Variants in TDO2 observed in about 807,000 individuals in gnomAD.
TDO2 encodes tryptophan 2,3-dioxygenase.
A neutral mutation model predicts 61.2 loss-of-function variants in TDO2; 63 were observed. The observed-to-expected ratio is 1.03, with a 90% CI of 0.84 to 1.27. TDO2 has a LOEUF of 1.27. Among genes scored for constraint, TDO2 ranks in the 50% most tolerant of loss-of-function variants. TDO2 has a pLI of 0.00. For missense variants in TDO2, 494 were observed against 469.5 expected, an observed-to-expected ratio of 1.05 and a Z score of -0.48; for synonymous variants, 183 against 164.0, an observed-to-expected ratio of 1.12 and a Z score of -0.89.
chr4:155,908,893 G>C lies in TDO2; in HGVS notation c.310G>C (p.Asp104His), dbSNP rs1182681098. The C allele has an allele frequency of 1.9e-6, 3 of 1,609,798 alleles. No homozygotes were observed. Among genetic ancestry groups the C allele is most frequent in the Non-Finnish European group, 2.5e-6 (3 of 1,178,156 alleles). The stretch of plus-strand genomic sequence containing the variant: ...TTCATTTCTTAACCTTCAGGTCAGA[G>C]ATGAAAGGAACATGCTTAAGGTTGT... ...REIFQNGHVR[D>H]ERNMLKVVSR... The change falls in exon 5 of 12, where the codon GAT (aspartate) becomes CAT (histidine). Residue 104 changes from aspartate (D) to histidine (H), a missense_variant. Physicochemically the swap from Asp to His is moderately conservative, Grantham distance 81 (BLOSUM62 -1). Coordinates refer to ENST00000536354, the MANE Select transcript of TDO2 (RefSeq NM_005651.4).
At chr4:155,915,970 T>A in intron 9 of TDO2, 58 bp downstream of exon 9, 3 of 1,434,928 alleles carry the variant, frequency 2.1e-6, no homozygotes, top group Non-Finnish European at 1.9e-6. Context: ...ATGGATAACA[T>A]GTCCAGTATA....
In TDO2 at chr4:155,920,026, A is replaced by G. The variant is rs1743015289; in HGVS notation, c.*36A>G. On this transcript the variant is annotated 3_prime_UTR_variant, in exon 12 of 12. Coordinates refer to ENST00000536354, the MANE Select transcript of TDO2 (RefSeq NM_005651.4). The stretch of plus-strand genomic sequence containing the variant: ...AAAATCTATGAAGAATACTGGTTTC[A>G]CAGCCTATTTTTTATTTTCTATGGA... 5.0e-6 allele frequency: 8 copies of G among 1,594,756 alleles called. No homozygotes were observed. Among genetic ancestry groups the G allele is most frequent in the Non-Finnish European group, 6.0e-6 (7 of 1,167,974 alleles).
intron 7 of TDO2, among the ~76,000 whole-genome samples, chr4:155,913,969 A>G (rs1742885188): frequency 6.6e-6 from 1 of 152,102 alleles, no homozygotes; most frequent in Admixed American, 6.5e-5. Flanking sequence ...AACTTTTTCT[A>G]AGTGAAGTTA....
chr4:155,904,226 C>A, intron 2 of TDO2, 103 bp downstream of exon 2: 4 of 797,614 alleles, frequency 5.0e-6, no homozygotes, highest in East Asian at 2.7e-5. Context: ...GGAAAGTCAC[C>A]AATCGTTTTC....
intron 11 of TDO2, chr4:155,918,880 T>A (rs984015628): frequency 3.3e-5 from 5 of 152,254 alleles, no homozygotes; most frequent in African/African-American, 1.2e-4. Flanking sequence ...AATTCAAGAA[T>A]AAATTAGACA....
chr4:155,909,088 GT>G, intron 5 of TDO2, 74 bp downstream of exon 5: 1 of 1,439,604 alleles, frequency 6.9e-7, no homozygotes. Flanking sequence ...AGCAGCATGT[GT>G]GTGTTTTGTG....
In TDO2 at chr4:155,919,739, C is replaced by A. The variant is rs568525330; in HGVS notation, c.1068-98C>A. On this transcript the variant is annotated intron_variant, in intron 11 of 11. Coordinates refer to ENST00000536354, the MANE Select transcript of TDO2 (RefSeq NM_005651.4). The stretch of plus-strand genomic sequence containing the variant: ...GCAATATATATTATAATATTGAATA[C>A]TAACTATGGAAAATATCTGAGAAAT... The A allele has an allele frequency of 2.9e-6, 3 of 1,032,370 alleles. No homozygotes were observed. The South Asian group carries it at 5.5e-5, about 19-fold the overall frequency. The allele number at this position is 1,032,370 out of a possible 1,614,324, so 64.0% of individuals were successfully genotyped here.
rs918048184 is a variant in TDO2 at position 155,916,526 on chromosome 4, C to G, written c.896+614C>G. ...CAGAGACTCACTCATGAAATGTGTT[C>G]TATCATTAAACAATGCTCTAAGATT... On this transcript the variant is annotated intron_variant, in intron 9 of 11. Coordinates refer to ENST00000536354, the MANE Select transcript of TDO2 (RefSeq NM_005651.4). Among the ~76,000 whole-genome samples the G allele has an allele frequency of 1.8e-4, 28 of 151,586 alleles. 1 individual carries two copies. The highest frequency in any genetic ancestry group is 1.3e-3 in the Admixed American group (19 of 15,188).
At position 155,907,695 on chromosome 4, in the gene TDO2, C is replaced by T. The variant is rs572527062; in HGVS notation, c.233-27C>T. On this transcript the variant is annotated intron_variant, in intron 3 of 11. Transcript: ENST00000536354. ...GGCCAAAAAGGCTCCCATAACTTTCCAACTGACAATGATTTCCTTATTACA... is the reference window on the plus strand; with the variant it reads ...GGCCAAAAAGGCTCCCATAACTTTCTAACTGACAATGATTTCCTTATTACA... The T allele has an allele frequency of 1.9e-6, 3 of 1,568,456 alleles. No homozygotes were observed. In the Admixed American group the frequency reaches 5.3e-5, roughly 28 times the overall value.
intron 11 of TDO2, among the ~76,000 whole-genome samples, chr4:155,919,133 T>C (rs1328435124): frequency 1.3e-5 from 2 of 152,182 alleles, no homozygotes; most frequent in Non-Finnish European, 2.9e-5. Context: ...TGTGTTGTTA[T>C]CTCAGTTTTA....
chr4:155,904,937 G>C, intron 2 of TDO2, 130 bp from the exon 3 acceptor site: 1 of 601,406 alleles, frequency 1.7e-6, no homozygotes. Flanking sequence ...TTGTTTAAAA[G>C]AAACTAGATT....
chr4:155,917,564 T>G, intron 10 of TDO2, 90 bp downstream of exon 10: 1 of 1,049,880 alleles, frequency 9.5e-7, no homozygotes, highest in South Asian at 1.6e-5. Flanking sequence ...CCTGCCCACT[T>G]TCTCTCTTTC....
Position 155,910,191 on chromosome 4 carries a change from ACAC to A in TDO2, c.599_601del (p.Thr200_Leu201delinsIle). ...GCTACTTAAATCTGAGCAGGAAAAG[ACAC>A]TTCTGGAATTAGTGGAGGTATGGAT... On this transcript the variant is annotated inframe_deletion, in exon 6 of 12. Coordinates refer to ENST00000536354, the MANE Select transcript of TDO2 (RefSeq NM_005651.4). The A allele has an allele frequency of 6.3e-7, 1 of 1,582,154 alleles. No homozygotes were observed. The highest frequency in any genetic ancestry group is 1.7e-4 in the Middle Eastern group (1 of 5,824).
rs755712713 is a variant in TDO2 at position 155,914,421 on chromosome 4, T to C, written c.825T>C (p.His275=). ...LSLFDEKRHE[H]LLSKGERRLS... ...TATTTGATGAGAAACGTCATGAACA[T>C]CTCCTTAGTAAAGGCAGGTATTTTT... Residue 275 remains histidine, a synonymous_variant, in exon 8 of 12, where the codon CAT becomes CAC. Transcript: ENST00000536354. 3 of 1,593,200 alleles carry C rather than the reference T, an allele frequency of 1.9e-6. No homozygotes were observed. The highest frequency in any genetic ancestry group is 2.6e-6 in the Non-Finnish European group (3 of 1,174,726).
At chr4:155,908,793 G>C in intron 4 of TDO2, 94 bp from the exon 5 acceptor site, 1 of 1,437,528 alleles carries the variant, frequency 7.0e-7, no homozygotes, top group Non-Finnish European at 9.2e-7. Flanking sequence ...AACCAAATTA[G>C]AGACAAAATT....
chr4:155,907,843 G>A lies in TDO2; in HGVS notation c.303+51G>A, dbSNP rs188490631. The A allele has an allele frequency of 1.4e-4, 203 of 1,412,218 alleles. 3 individuals are homozygous for A. The highest frequency in any genetic ancestry group is 1.4e-3 in the East Asian group (62 of 43,608). 87.5% of individuals were successfully genotyped at this position (1,412,218 alleles called of 1,614,324 possible). On this transcript the variant is annotated intron_variant, in intron 4 of 11. Transcript: ENST00000536354. ...TTTCATGTATATTTTTGGAAGATAT[G>A]GAAAGTATTATTAATGAGAGAAAAA...
chr4:155,913,122 C>A (rs1359609289), intron 7 of TDO2, among the ~76,000 whole-genome samples: 1 of 152,112 alleles, frequency 6.6e-6, no homozygotes, highest in Non-Finnish European at 1.5e-5. Context: ...CTGAACTGTG[C>A]TCCCCCACCT....
Position 155,912,205 on chromosome 4 carries a change from T to A in TDO2, c.726+601T>A, listed in dbSNP as rs28446368. Among the ~76,000 whole-genome samples the A allele has an allele frequency of 8.2e-3, 1,253 of 152,292 alleles. 16 individuals are homozygous for A. The highest frequency in any genetic ancestry group is 0.029 in the African/African-American group (1,200 of 41,570). On this transcript the variant is annotated intron_variant, in intron 7 of 11. Transcript: ENST00000536354. ...TCCACTTCCACTTCTTAAACAACTA[T>A]GTGACAGAGAACAAGTGACTGCACC...
Position 155,915,901 on chromosome 4 carries a change from A to G in TDO2, c.885A>G (p.Ile295Met), listed in dbSNP as rs780515438. Residue 295 changes from isoleucine (I) to methionine (M), a missense_variant, in exon 9 of 12, where the codon ATA becomes ATG. Coordinates refer to ENST00000536354, the MANE Select transcript of TDO2 (RefSeq NM_005651.4). ...SYRALQGALM[I>M]YFYREEPRFQ... ...GAGCACTTCAGGGAGCATTGATGAT[A>G]TATTTTTACAGGTAAAGCAAATCCG... 4 of 1,608,232 alleles carry G rather than the reference A, an allele frequency of 2.5e-6. No individual in the cohort carries two copies. The highest frequency in any genetic ancestry group is 1.7e-5 in the Admixed American group (1 of 58,856).
Sources: gnomAD v4.1 joint callset for allele counts (sites outside exome capture counted in the v4.1 genomes callset) on GRCh38, gnomAD v4.1.1 for gene constraint, MANE v1.5 for transcripts, NCBI Gene and HGNC (gene_info 2026-07-23, HGNC 2026-07-21) for gene names.